Variants in ZFAND3 observed in about 807,000 individuals in gnomAD.
The protein encoded by ZFAND3 is zinc finger AN1-type containing 3.
Under a neutral mutation model 29.6 loss-of-function variants are expected in ZFAND3, and 10 were observed. The ratio of observed to expected loss-of-function variants is 0.34; its 90% CI spans 0.21 to 0.57. The LOEUF (loss-of-function observed/expected upper bound fraction) is 0.57. Ranked by LOEUF, ZFAND3 falls within the 20% of genes least tolerant of loss-of-function variation. ZFAND3 has a pLI of 0.86. For missense variants in ZFAND3, 230 were observed against 304.5 expected, an observed-to-expected ratio of 0.76 and a Z score of 1.82; for synonymous variants, 128 against 112.6, an observed-to-expected ratio of 1.14 and a Z score of -0.87.
rs113061455 is a variant in ZFAND3, at chr6:37,891,416, T to TCCCCCCCCCC, written c.72-38542_72-38533dup. ...TTTGACAAATAGTTGGAGATTTCAGTCCCCCCCCCCGCCTTTAAAATACAA... is the reference window on the plus strand; with the variant it reads ...TTTGACAAATAGTTGGAGATTTCAGTCCCCCCCCCCCCCCCCCCCCGCCTTTAAAATACAA... On this transcript the variant is annotated intron_variant, in intron 1 of 5. Coordinates refer to ENST00000287218, the MANE Select transcript of ZFAND3 (RefSeq NM_021943.3). 1.1e-3 allele frequency among the ~76,000 whole-genome samples: 132 copies of TCCCCCCCCCC among 117,094 alleles called. 3 individuals carry two copies. Among genetic ancestry groups the TCCCCCCCCCC allele is most frequent in the East Asian group, 3.5e-3 (13 of 3,764 alleles). 76.8% of individuals were successfully genotyped at this position (117,094 alleles called of 152,430 possible).
In ZFAND3 at chr6:38,116,665, A is replaced by G; in HGVS notation, c.455A>G (p.Lys152Arg). Residue 152 changes from lysine to arginine, a missense_variant, in exon 5 of 6, where the codon AAG becomes AGG. By Grantham distance (26) the Lys-to-Arg change is conservative. Transcript: ENST00000287218. The part of the protein sequence containing the change: ...RSEETSRSKQ[K>R]SRRRCFQCQT... ...GAGGAAACCAGTCGATCTAAACAGAAGAGTCGACGTCGGTGCTTCCAGTGC... is the reference window on the plus strand; with the variant it reads ...GAGGAAACCAGTCGATCTAAACAGAGGAGTCGACGTCGGTGCTTCCAGTGC... The G allele has an allele frequency of 6.2e-7, 1 of 1,614,214 alleles. No individual in the cohort carries two copies. Among genetic ancestry groups the G allele is most frequent in the Non-Finnish European group, 8.5e-7 (1 of 1,180,026 alleles).
chr6:38,135,159 C>A (rs1285893162), intron 5 of ZFAND3, among the ~76,000 whole-genome samples: 1 of 152,088 alleles, frequency 6.6e-6, no homozygotes, highest in Non-Finnish European at 1.5e-5. Context: ...AAGGAACAAG[C>A]CCTGGATAAG....
In ZFAND3 at chr6:38,133,092, CT is replaced by C. The variant is rs375918416; in HGVS notation, c.529+16359del. On this transcript the variant is annotated intron_variant, in intron 5 of 5. Coordinates refer to ENST00000287218, the MANE Select transcript of ZFAND3 (RefSeq NM_021943.3). ...GTGAGGCCCTCACAAAACCTGGTGTCTTTTTTAACAAAACCCTTCATCTGGT... is the reference window on the plus strand; with the variant it reads ...GTGAGGCCCTCACAAAACCTGGTGTCTTTTTAACAAAACCCTTCATCTGGT... Among the ~76,000 whole-genome samples, 767 of 152,296 alleles carry C rather than the reference CT, an allele frequency of 5.0e-3. 9 individuals are homozygous for C. Among genetic ancestry groups the C allele is most frequent in the African/African-American group, 0.017 (712 of 41,544 alleles).
At chr6:38,058,309 T>C (rs1290520344) in intron 2 of ZFAND3, among the ~76,000 whole-genome samples, 1 of 152,124 alleles carries the variant, frequency 6.6e-6, no homozygotes, top group African/African-American at 2.4e-5. Flanking sequence ...AATTAAATGG[T>C]AGACAGATGG....
intron 1 of ZFAND3, among the ~76,000 whole-genome samples, chr6:37,866,702 A>C (rs1764596720): frequency 6.6e-6 from 1 of 152,206 alleles, no homozygotes; most frequent in African/African-American, 2.4e-5. Context: ...GGTGCACTGT[A>C]CTTGGTGTAG....
intron 1 of ZFAND3, among the ~76,000 whole-genome samples, chr6:37,856,158 C>G (rs1459853889): frequency 6.6e-6 from 1 of 152,022 alleles, no homozygotes; most frequent in Non-Finnish European, 1.5e-5. Context: ...CCAGGTCTGG[C>G]TAATTTTTAT....
chr6:38,002,395 T>C (rs1238661828), intron 2 of ZFAND3, among the ~76,000 whole-genome samples: 1 of 151,954 alleles, frequency 6.6e-6, no homozygotes, highest in South Asian at 2.1e-4. Flanking sequence ...CACGATATTC[T>C]AGGCCAGTTA....
At chr6:38,027,931 A>G (rs1763480373) in intron 2 of ZFAND3, among the ~76,000 whole-genome samples, 2 of 152,234 alleles carry the variant, frequency 1.3e-5, no homozygotes, top group African/African-American at 2.4e-5. Context: ...TAATTTGTGC[A>G]GGGACTGAGA....
intron 2 of ZFAND3, among the ~76,000 whole-genome samples, chr6:37,930,225 G>T (rs1581770631): frequency 6.6e-6 from 1 of 152,052 alleles, no homozygotes; most frequent in Non-Finnish European, 1.5e-5. Flanking sequence ...CTATGTACTT[G>T]CACCAAACAA....
intron 1 of ZFAND3, among the ~76,000 whole-genome samples, chr6:37,823,803 G>T (rs564633253): frequency 7.2e-4 from 107 of 149,528 alleles, no homozygotes; most frequent in Admixed American, 2.2e-3. Flanking sequence ...TTTTTTTTTG[G>T]GGGGGGGTAG....
chr6:37,850,041 G>A (rs1764254386), intron 1 of ZFAND3, among the ~76,000 whole-genome samples: 1 of 152,186 alleles, frequency 6.6e-6, no homozygotes, highest in South Asian at 2.1e-4. Context: ...AGCAAGTTGA[G>A]CAGTGGACCA....
intron 1 of ZFAND3, among the ~76,000 whole-genome samples, chr6:37,869,256 C>T (rs996121754): frequency 3.3e-5 from 5 of 152,110 alleles, no homozygotes; most frequent in Admixed American, 6.5e-5. Context: ...CTCCACCTCC[C>T]GAGTTCAAGT....
At chr6:38,074,916 C>T (rs1247068747) in intron 3 of ZFAND3, among the ~76,000 whole-genome samples, 4 of 152,154 alleles carry the variant, frequency 2.6e-5, no homozygotes, top group Non-Finnish European at 5.9e-5. Flanking sequence ...GTAAATGGAA[C>T]AACAAAGCCT....
At chr6:37,997,211 G>C (rs1762865902) in intron 2 of ZFAND3, among the ~76,000 whole-genome samples, 1 of 152,148 alleles carries the variant, frequency 6.6e-6, no homozygotes, top group Non-Finnish European at 1.5e-5. Context: ...TTTCCATTGG[G>C]GAAAGTAAGA....
chr6:37,977,887 T>TCTCTC (rs143993017), intron 2 of ZFAND3, among the ~76,000 whole-genome samples: 4 of 70,826 alleles, frequency 5.6e-5, no homozygotes, highest in South Asian at 4.9e-4. Context: ...TTCCTTCCTT[T>TCTCTC]CTCTCCTCTC....
intron 4 of ZFAND3, among the ~76,000 whole-genome samples, chr6:38,105,144 A>G (rs1417282412): frequency 2.0e-5 from 3 of 152,190 alleles, no homozygotes; most frequent in African/African-American, 7.2e-5. Context: ...CTGATAAAGA[A>G]TATGTGCTTT....
chr6:38,148,476 G>GGT (rs1348412368), intron 5 of ZFAND3, among the ~76,000 whole-genome samples: 3 of 152,146 alleles, frequency 2.0e-5, no homozygotes, highest in African/African-American at 7.2e-5. Flanking sequence ...TAAGAAATGA[G>GGT]GTAGAGGAAG....
At chr6:37,914,371 G>A (rs781345466) in intron 1 of ZFAND3, among the ~76,000 whole-genome samples, 4 of 152,154 alleles carry the variant, frequency 2.6e-5, no homozygotes, top group Non-Finnish European at 5.9e-5. Context: ...TTTTGAGACA[G>A]GGTCTCATTC....
chr6:37,963,195 T>C (rs974097271), intron 2 of ZFAND3, among the ~76,000 whole-genome samples: 2 of 152,188 alleles, frequency 1.3e-5, no homozygotes, highest in Non-Finnish European at 2.9e-5. Context: ...CGGACACATG[T>C]AGCCTATGGA....
Sources: allele counts gnomAD v4.1 joint callset (sites outside exome capture counted in the v4.1 genomes callset), GRCh38; gene constraint gnomAD v4.1.1; transcripts MANE v1.5; gene names NCBI Gene and HGNC (gene_info 2026-07-23, HGNC 2026-07-21).